Variants in LRRC40 observed in about 807,000 individuals in gnomAD.
LRRC40 encodes leucine rich repeat containing 40.
In LRRC40, 76 loss-of-function variants were observed where a neutral mutation model predicts 72.8. The ratio of observed to expected loss-of-function variants is 1.04; its 90% confidence interval spans 0.87 to 1.26. LRRC40 has a LOEUF of 1.26. Ranked by LOEUF, LRRC40 falls within the 50% of genes most tolerant of loss-of-function variation. LRRC40 has a pLI of 0.00. For synonymous variants in LRRC40, 243 were observed against 254.2 expected, an observed-to-expected ratio of 0.96 and a Z score of 0.42; for missense variants, 684 against 698.9, an observed-to-expected ratio of 0.98 and a Z score of 0.24.
intron 3 of LRRC40, 44 bp from the exon 4 acceptor site, chr1:70,184,958 C>T (rs772206530): frequency 2.7e-6 from 4 of 1,476,490 alleles, no homozygotes; most frequent in African/African-American, 1.4e-5. Context: ...AGTGGCAATA[C>T]AATAAATATT....
intron 6 of LRRC40, 23 bp from the exon 7 acceptor site, chr1:70,176,005 T>C (rs749299174): frequency 2.1e-6 from 3 of 1,430,924 alleles, no homozygotes; most frequent in Non-Finnish European, 2.8e-6. Flanking sequence ...AGATGAGTTA[T>C]GTGTATCTCT....
Position 70,205,522 on chromosome 1 carries a change from T to A in LRRC40, c.19A>T (p.Ile7Leu), listed in dbSNP as rs747876421. The A allele has an allele frequency of 1.0e-5, 16 of 1,598,302 alleles. No individual in the cohort carries two copies. In the East Asian group the frequency reaches 2.9e-4, roughly 29 times the overall value. Residue 7 changes from isoleucine (I) to leucine (L), a missense_variant, in exon 1 of 15, where the codon ATA becomes TTA. Transcript: ENST00000370952. The stretch of plus-strand genomic sequence containing the variant: ...CCAGCGCGGAGATCCTGCCCCGCTA[T>A]CCGCTTCAGGCGCGACATGTTCAAA... MSRLKR[I>L]AGQDLRAGFK...
At chr1:70,173,957 A>G (rs1668050802) in intron 7 of LRRC40, among the ~76,000 whole-genome samples, 1 of 152,060 alleles carries the variant, frequency 6.6e-6, no homozygotes, top group African/African-American at 2.4e-5. Flanking sequence ...ACATTTGTTA[A>G]ATTATAACAT....
chr1:70,195,916 G>A (rs1043261620), intron 1 of LRRC40, among the ~76,000 whole-genome samples: 1 of 152,096 alleles, frequency 6.6e-6, no homozygotes, highest in African/African-American at 2.4e-5. Context: ...GAGTACAGGC[G>A]TGAGCCACCA....
intron 9 of LRRC40, among the ~76,000 whole-genome samples, chr1:70,165,875 C>A (rs1667869749): frequency 6.6e-6 from 1 of 152,094 alleles, no homozygotes; most frequent in South Asian, 2.1e-4. Context: ...TTCTTATGTG[C>A]CTCTAGATAC....
At chr1:70,204,364 T>G (rs190047937) in intron 1 of LRRC40, among the ~76,000 whole-genome samples, 4 of 152,162 alleles carry the variant, frequency 2.6e-5, no homozygotes, top group Non-Finnish European at 5.9e-5. Context: ...TAGTGATAAA[T>G]GCTGTTAAAA....
chr1:70,159,942 AT>A (rs1667720763), intron 9 of LRRC40, among the ~76,000 whole-genome samples: 1 of 152,098 alleles, frequency 6.6e-6, no homozygotes, highest in South Asian at 2.1e-4. Context: ...ATATGTTAAG[AT>A]TTTTTTCTTA....
chr1:70,204,247 G>GT (rs1358590485), intron 1 of LRRC40, among the ~76,000 whole-genome samples: 2 of 152,196 alleles, frequency 1.3e-5, no homozygotes, highest in Non-Finnish European at 2.9e-5. Flanking sequence ...ACTATTTTCA[G>GT]TGATAGAAAT....
At chr1:70,189,364 G>T in intron 1 of LRRC40, 91 bp from the exon 2 acceptor site, 2 of 1,029,906 alleles carry the variant, frequency 1.9e-6, no homozygotes, top group Non-Finnish European at 1.4e-6. Context: ...TTTTATAATA[G>T]CCATTCCATT....
intron 9 of LRRC40, among the ~76,000 whole-genome samples, chr1:70,161,082 T>C (rs1667748342): frequency 6.6e-6 from 1 of 150,694 alleles, no homozygotes; most frequent in Non-Finnish European, 1.5e-5. Context: ...AACGCAGATA[T>C]CTCATTATTT....
intron 9 of LRRC40, among the ~76,000 whole-genome samples, chr1:70,162,147 ATG>A (rs1558114225): frequency 6.6e-6 from 1 of 152,118 alleles, no homozygotes; most frequent in Non-Finnish European, 1.5e-5. Context: ...TACTCTTAAA[ATG>A]AGAGGAACTA....
chr1:70,202,338 GAAT>G (rs1479617679), intron 1 of LRRC40, among the ~76,000 whole-genome samples: 3 of 151,718 alleles, frequency 2.0e-5, no homozygotes, highest in Non-Finnish European at 4.4e-5. Flanking sequence ...TCATACAATT[GAAT>G]ATTACTCAGC....
At chr1:70,161,021 C>T (rs1432554637) in intron 9 of LRRC40, among the ~76,000 whole-genome samples, 1 of 150,800 alleles carries the variant, frequency 6.6e-6, no homozygotes, top group East Asian at 2.0e-4. Flanking sequence ...TGTAATTGTA[C>T]AAGTGACTGA....
At chr1:70,176,844 C>T (rs1668117408) in intron 6 of LRRC40, among the ~76,000 whole-genome samples, 1 of 152,016 alleles carries the variant, frequency 6.6e-6, no homozygotes, top group African/African-American at 2.4e-5. Flanking sequence ...GTCATGAATG[C>T]ATTTAATATA....
chr1:70,184,121 T>C (rs943683592), intron 4 of LRRC40, among the ~76,000 whole-genome samples: 3 of 151,986 alleles, frequency 2.0e-5, no homozygotes, highest in African/African-American at 4.8e-5. Flanking sequence ...TAGAGGTGCA[T>C]GCCTGTAATC....
intron 2 of LRRC40, among the ~76,000 whole-genome samples, chr1:70,187,615 A>G (rs1039776091): frequency 5.3e-5 from 8 of 151,726 alleles, no homozygotes; most frequent in African/African-American, 1.9e-4. Context: ...GCTTGTACCC[A>G]GGAGTTTGAG....
Position 70,189,212 on chromosome 1 carries a change from C to T in LRRC40, c.213G>A (p.Ser71=), listed in dbSNP as rs142788688. ...CCCACCATCTTTCAGTAGCACCAAACGAAAGATTCTGATTAGCTTCCTCAG... is the reference window on the plus strand; with the variant it reads ...CCCACCATCTTTCAGTAGCACCAAATGAAAGATTCTGATTAGCTTCCTCAG... ...DIPEEANQNL[S]FGATERWWEQ... is the part of the protein sequence containing the mutation. The change falls in exon 2 of 15, where the codon TCG becomes TCA. Residue 71 remains serine, a synonymous_variant. Transcript: ENST00000370952. The T allele has an allele frequency of 2.9e-4, 474 of 1,609,812 alleles. 2 individuals are homozygous for T. The highest frequency in any genetic ancestry group is 3.4e-4 in the Non-Finnish European group (396 of 1,179,228).
intron 7 of LRRC40, among the ~76,000 whole-genome samples, chr1:70,174,244 G>A (rs1336142462): frequency 6.6e-6 from 1 of 151,790 alleles, no homozygotes; most frequent in African/African-American, 2.4e-5. Flanking sequence ...CAAAATATAG[G>A]GCACTGGTAT....
chr1:70,194,336 C>G (rs1406585277), intron 1 of LRRC40, among the ~76,000 whole-genome samples: 1 of 149,108 alleles, frequency 6.7e-6, no homozygotes. Flanking sequence ...AAAAGATTTA[C>G]AATACAAGAC....
Sources: allele counts gnomAD v4.1 joint callset (sites outside exome capture counted in the v4.1 genomes callset), GRCh38; gene constraint gnomAD v4.1.1; transcripts MANE v1.5; gene names NCBI Gene and HGNC (gene_info 2026-07-23, HGNC 2026-07-21).